Variants in AOPEP observed in about 807,000 individuals in gnomAD.
AOPEP encodes the protein aminopeptidase O (putative).
A neutral mutation model predicts 98.1 loss-of-function variants in AOPEP; 77 were observed. The ratio of observed to expected loss-of-function variants is 0.78; its 90% CI spans 0.65 to 0.95. The LOEUF (loss-of-function observed/expected upper bound fraction) is 0.95, where lower values mean the gene tolerates loss of function less well. AOPEP is among the 40% of genes least tolerant of loss of function. The pLI is 0.00. For synonymous variants in AOPEP, 346 were observed against 365.3 expected (o/e 0.95, Z 0.60); for missense variants, 1,024 against 1,024.7 (o/e 1.00, Z 0.01).
At chr9:95,083,362 CCA>C (rs929528143) in intron 16 of AOPEP, among the ~76,000 whole-genome samples, 4 of 151,128 alleles carry the variant, frequency 2.6e-5, no homozygotes, top group Non-Finnish European at 5.9e-5. Context: ...AGCGCACGCA[CCA>C]CACAGAGCAC....
At chr9:95,082,758 C>T (rs757431274) in intron 16 of AOPEP, 39 bp downstream of exon 16, 1 of 1,607,202 alleles carries the variant, frequency 6.2e-7, no homozygotes, top group African/African-American at 1.3e-5. Context: ...TTAGTTCTAA[C>T]CAGATACTCC....
intron 13 of AOPEP, among the ~76,000 whole-genome samples, chr9:95,038,522 A>G (rs2065021210): frequency 6.6e-6 from 1 of 152,226 alleles, no homozygotes; most frequent in South Asian, 2.1e-4. Context: ...GGCTAAGTAG[A>G]GATGTTGGTG....
intron 13 of AOPEP, among the ~76,000 whole-genome samples, chr9:95,014,596 A>G (rs1441945693): frequency 2.6e-5 from 4 of 152,236 alleles, no homozygotes; most frequent in Non-Finnish European, 5.9e-5. Context: ...TCCCGACAGT[A>G]AATAACCTTT....
At chr9:94,920,353 G>A (rs1461792845) in intron 5 of AOPEP, 1 of 152,762 alleles carries the variant, frequency 6.5e-6, no homozygotes. Flanking sequence ...TGCTCTCCAT[G>A]AGGGGAATTG....
intron 6 of AOPEP, among the ~76,000 whole-genome samples, chr9:94,926,688 C>T (rs2054392473): frequency 6.6e-6 from 1 of 151,924 alleles, no homozygotes. Context: ...GGCCAGCAGG[C>T]CCCACCCGGG....
intron 1 of AOPEP, among the ~76,000 whole-genome samples, chr9:94,733,483 G>T (rs1337504174): frequency 6.6e-6 from 1 of 152,082 alleles, no homozygotes; most frequent in African/African-American, 2.4e-5. Flanking sequence ...TGTAGTATTT[G>T]CACCGTGTAA....
Position 94,760,226 on chromosome 9 carries a change from G to C in AOPEP, c.443G>C (p.Cys148Ser). ...GAGGATTTTTTGCTAGTGTTGGACT[G>C]CTGTGATTTATCTGTGTTAAAAGTC... ...GSEDFLLVLD[C>S]CDLSVLKVEE... Residue 148 changes from cysteine (C) to serine (S), a missense_variant, in exon 2 of 17, where the codon TGC becomes TCC. By Grantham distance (112) the Cys-to-Ser change is moderately radical (BLOSUM62 -1). Coordinates refer to ENST00000375315, the MANE Select transcript of AOPEP (RefSeq NM_001193329.3). 6.2e-7 allele frequency: 1 copy of C among 1,614,184 alleles called. No homozygotes were observed. The highest frequency in any genetic ancestry group is 8.5e-7 in the Non-Finnish European group (1 of 1,180,038).
chr9:94,881,076 C>G (rs1024215395), intron 5 of AOPEP, among the ~76,000 whole-genome samples: 2 of 152,062 alleles, frequency 1.3e-5, no homozygotes, highest in African/African-American at 4.8e-5. Flanking sequence ...CAGAAGGAGG[C>G]AGGAGAAAAT....
chr9:94,839,855 A>G (rs535289214), intron 5 of AOPEP, among the ~76,000 whole-genome samples: 2 of 151,824 alleles, frequency 1.3e-5, no homozygotes, highest in Non-Finnish European at 2.9e-5. Flanking sequence ...TACAGTGTCA[A>G]CCTCCTGGGC....
chr9:94,815,876 A>G (rs1206715594), intron 5 of AOPEP, among the ~76,000 whole-genome samples: 2 of 152,094 alleles, frequency 1.3e-5, no homozygotes, highest in African/African-American at 4.8e-5. Flanking sequence ...CTATTACTGA[A>G]TACCTGGAAA....
Position 94,760,079 on chromosome 9 carries a change from T to C in AOPEP, c.296T>C (p.Phe99Ser), listed in dbSNP as rs1223644434. 5.0e-6 allele frequency: 8 copies of C among 1,614,170 alleles called. No homozygotes were observed. The highest frequency in any genetic ancestry group is 6.8e-6 in the Non-Finnish European group (8 of 1,180,032). The change falls in exon 2 of 17, where the codon TTT (phenylalanine) becomes TCT (serine). Residue 99 changes from phenylalanine (F) to serine (S), a missense_variant. Physicochemically the swap from Phe to Ser is radical, Grantham distance 155. Transcript: ENST00000375315. ...TFSSEMEYND[F>S]AICSKGEKDT... ...TCATCTGAAATGGAATATAATGATT[T>C]TGCAATCTGTAGTAAAGGTGAAAAA...
chr9:95,064,422 G>A (rs981071071), intron 14 of AOPEP, among the ~76,000 whole-genome samples: 12 of 152,220 alleles, frequency 7.9e-5, no homozygotes, highest in Non-Finnish European at 1.5e-4. Context: ...CTCCCGAGTA[G>A]CTGGATTACA....
rs758280915 is a variant in AOPEP, at chr9:94,930,890, A to G, written c.1661+2359A>G. Reference sequence around the variant, plus strand: ...AAGGTAGCAGAGGGACATGAGGGCCAGAGAGGTTTGCTTTCAGGTAGGGCG... The same window carrying G: ...AAGGTAGCAGAGGGACATGAGGGCCGGAGAGGTTTGCTTTCAGGTAGGGCG... On this transcript the variant is annotated intron_variant, in intron 7 of 16. Transcript: ENST00000375315. This position sits in a 1 kb window ranked among gnomAD's most constrained non-coding sequence, Gnocchi z 4.5. 6.6e-6 allele frequency among the ~76,000 whole-genome samples: 1 copy of G among 152,154 alleles called. No individual in the cohort carries two copies. The highest frequency in any genetic ancestry group is 1.5e-5 in the Non-Finnish European group (1 of 68,022).
At chr9:94,926,485 A>C (rs1588921366) in intron 6 of AOPEP, among the ~76,000 whole-genome samples, 1 of 152,370 alleles carries the variant, frequency 6.6e-6, no homozygotes, top group East Asian at 1.9e-4. Flanking sequence ...AATATCCCTG[A>C]GGCAAAATTG....
chr9:94,743,837 A>T (rs531058696), intron 1 of AOPEP, among the ~76,000 whole-genome samples: 1 of 152,210 alleles, frequency 6.6e-6, no homozygotes, highest in African/African-American at 2.4e-5. Flanking sequence ...AGTTGACTCA[A>T]ACAGGGAAAA....
chr9:94,868,798 C>G (rs539158423), intron 5 of AOPEP, among the ~76,000 whole-genome samples: 1 of 152,300 alleles, frequency 6.6e-6, no homozygotes, highest in South Asian at 2.1e-4. Flanking sequence ...CTATAATTTT[C>G]TATTCTCATG....
At chr9:95,082,307 A>G (rs1420831720) in intron 15 of AOPEP, among the ~76,000 whole-genome samples, 2 of 152,206 alleles carry the variant, frequency 1.3e-5, no homozygotes, top group Non-Finnish European at 2.9e-5. Context: ...ATGCCTGCTC[A>G]TCGTTCTGTC....
At chr9:94,884,656 T>C (rs573100234) in intron 5 of AOPEP, among the ~76,000 whole-genome samples, 2 of 152,184 alleles carry the variant, frequency 1.3e-5, no homozygotes, top group Non-Finnish European at 2.9e-5. Flanking sequence ...GGGATGATAT[T>C]ACTACCATAC....
At chr9:94,967,914 G>A in intron 10 of AOPEP, 113 bp downstream of exon 10, 1 of 887,492 alleles carries the variant, frequency 1.1e-6, no homozygotes, top group Non-Finnish European at 1.9e-6. Context: ...CTGTCTAATA[G>A]AGGCAAGGAC....
Sources: gnomAD v4.1 joint callset for allele counts (sites outside exome capture counted in the v4.1 genomes callset) on GRCh38, gnomAD v4.1.1 for gene constraint, Gnocchi (gnomAD v3.1) non-coding constraint, MANE v1.5 for transcripts, NCBI Gene and HGNC (gene_info 2026-07-23, HGNC 2026-07-21) for gene names.